TMEM232: variants seen among roughly 807,000 people sequenced by gnomAD.
The protein encoded by TMEM232 is transmembrane protein 232.
TMEM232 carries 80 observed loss-of-function variants against 78.8 expected under a neutral mutation model. That is an observed-to-expected ratio of 1.01 (90% CI 0.85 to 1.22). TMEM232 has a LOEUF of 1.22. Ranked by LOEUF, TMEM232 falls within the 50% of genes most tolerant of loss-of-function variation. The probability of loss-of-function intolerance (pLI) is 0.00; values close to 1 mark genes in which losing one functional copy is unlikely to be tolerated. For synonymous variants in TMEM232, 297 were observed against 254.3 expected, an observed-to-expected ratio of 1.17 and a Z score of -1.60; for missense variants, 881 against 742.2, an observed-to-expected ratio of 1.19 and a Z score of -2.17.
intron 2 of TMEM232, among the ~76,000 whole-genome samples, chr5:110,662,387 C>T (rs147370397): frequency 0.012 from 1,787 of 151,930 alleles, 46 homozygotes; most frequent in African/African-American, 0.04. Flanking sequence ...AAGAGATATA[C>T]CATGTTTATA....
chr5:110,676,862 G>A (rs10074373), intron 1 of TMEM232, among the ~76,000 whole-genome samples: 2,246 of 151,892 alleles, frequency 0.015, 59 homozygotes, highest in African/African-American at 0.052. Flanking sequence ...CGGTTCGAGC[G>A]ATTCTCCTGC....
At chr5:110,500,075 T>C (rs529961606) in intron 12 of TMEM232, among the ~76,000 whole-genome samples, 18 of 152,120 alleles carry the variant, frequency 1.2e-4, no homozygotes, top group African/African-American at 3.9e-4. Context: ...GTGGGACACC[T>C]AAGGTCAGGA....
At chr5:110,456,231 G>T (rs1760877560) in intron 12 of TMEM232, among the ~76,000 whole-genome samples, 1 of 152,154 alleles carries the variant, frequency 6.6e-6, no homozygotes, top group South Asian at 2.1e-4. Flanking sequence ...GTGATAAAAG[G>T]CCAGTATACA....
At chr5:110,458,596 T>C (rs1461468052) in intron 12 of TMEM232, among the ~76,000 whole-genome samples, 3 of 152,180 alleles carry the variant, frequency 2.0e-5, no homozygotes, top group Admixed American at 1.3e-4. Flanking sequence ...TATTCCCTGA[T>C]ACCTCTCCTA....
At chr5:110,666,654 T>C (rs1790629540) in intron 2 of TMEM232, 1 of 152,154 alleles carries the variant, frequency 6.6e-6, no homozygotes, top group South Asian at 2.1e-4. Context: ...TAATGATATA[T>C]TTTGAATTTT....
intron 11 of TMEM232, among the ~76,000 whole-genome samples, chr5:110,543,491 G>A (rs1241336509): frequency 6.6e-6 from 1 of 152,120 alleles, no homozygotes; most frequent in Non-Finnish European, 1.5e-5. Context: ...GAAATCAAGT[G>A]TGTCTCTACC....
chr5:110,486,411 G>C (rs1159551086), intron 12 of TMEM232, among the ~76,000 whole-genome samples: 1 of 151,910 alleles, frequency 6.6e-6, no homozygotes, highest in Non-Finnish European at 1.5e-5. Context: ...TGTCTAGAAG[G>C]GTTTTTCCAG....
chr5:110,637,577 A>G (rs908972073), intron 5 of TMEM232, among the ~76,000 whole-genome samples: 21 of 140,766 alleles, frequency 1.5e-4, no homozygotes, highest in African/African-American at 5.4e-4. Context: ...ATATATGTGT[A>G]TATATATATA....
intron 1 of TMEM232, among the ~76,000 whole-genome samples, chr5:110,700,786 G>GA (rs375091068): frequency 2.8e-5 from 4 of 142,496 alleles, no homozygotes; most frequent in Admixed American, 7.0e-5. Context: ...AGATAGATAG[G>GA]TAGATAGATA....
At chr5:110,524,691 T>C (rs1240730887) in intron 12 of TMEM232, among the ~76,000 whole-genome samples, 2 of 152,308 alleles carry the variant, frequency 1.3e-5, no homozygotes, top group South Asian at 4.1e-4. Flanking sequence ...TCAAGCTCAA[T>C]GTTTGCTTAT....
intron 1 of TMEM232, among the ~76,000 whole-genome samples, chr5:110,724,817 G>A (rs1211901882): frequency 6.6e-6 from 1 of 150,986 alleles, no homozygotes; most frequent in Non-Finnish European, 1.5e-5. Context: ...TAGGTATAGA[G>A]CACCTGCTAC....
chr5:110,738,901 T>C, upstream of TMEM232: 1 of 1,260,124 alleles, frequency 7.9e-7, no homozygotes. Flanking sequence ...AAGGTCCAGG[T>C]TACCGCCGCG....
At chr5:110,702,028 G>A (rs564269433) in intron 1 of TMEM232, among the ~76,000 whole-genome samples, 81 of 152,108 alleles carry the variant, frequency 5.3e-4, no homozygotes, top group African/African-American at 1.9e-3. Context: ...AGACAGCTAA[G>A]GGGGGTTTTA....
chr5:110,598,471 G>C (rs1352060888), intron 10 of TMEM232, among the ~76,000 whole-genome samples: 1 of 152,058 alleles, frequency 6.6e-6, no homozygotes, highest in Non-Finnish European at 1.5e-5. Context: ...CAGGGATCTA[G>C]AACTAGAAAT....
chr5:110,694,723 G>A (rs1009667288), intron 1 of TMEM232, among the ~76,000 whole-genome samples: 5 of 151,776 alleles, frequency 3.3e-5, no homozygotes, highest in African/African-American at 1.2e-4. Context: ...ATTACATAAT[G>A]GTAAAGGGGT....
chr5:110,424,962 C>T, intron 12 of TMEM232, 46 bp from the exon 13 acceptor site: 3 of 1,288,942 alleles, frequency 2.3e-6, no homozygotes, highest in Non-Finnish European at 3.2e-6. Flanking sequence ...TATAGGTACT[C>T]CTATTCCCCA....
At chr5:110,417,612 CTTTTTCTTTT>C (rs1359936798), downstream of TMEM232, 2 of 118,700 alleles carry the variant, frequency 1.7e-5, no homozygotes, top group African/African-American at 3.3e-5. Flanking sequence ...AAACTTTTTT[CTTTTTCTTTT>C]TTTTTTTTTT....
chr5:110,458,307 T>A (rs1580762642), intron 12 of TMEM232, among the ~76,000 whole-genome samples: 1 of 152,068 alleles, frequency 6.6e-6, no homozygotes, highest in Non-Finnish European at 1.5e-5. Context: ...TCTCCAGTGC[T>A]CTAGTACAAA....
chr5:110,480,061 T>TA (rs1763695994), intron 12 of TMEM232, among the ~76,000 whole-genome samples: 1 of 151,894 alleles, frequency 6.6e-6, no homozygotes, highest in Admixed American at 6.6e-5. Flanking sequence ...TTGAAATAAC[T>TA]ACTCATTATT....
Sources: allele counts gnomAD v4.1 joint callset (sites outside exome capture counted in the v4.1 genomes callset), GRCh38; gene constraint gnomAD v4.1.1; transcripts MANE v1.5; gene names NCBI Gene and HGNC (gene_info 2026-07-23, HGNC 2026-07-21).